MYH8: variants seen among roughly 807,000 people sequenced by gnomAD.
MYH8 encodes the protein myosin-8.
In MYH8, 168 loss-of-function variants were observed where a neutral mutation model predicts 233.2. The observed-to-expected ratio is 0.72, with a 90% CI of 0.64 to 0.82. MYH8 has a LOEUF of 0.82. MYH8 is among the 40% of genes least tolerant of loss of function. MYH8 has a pLI of 0.00. For missense variants in MYH8, 1,995 were observed against 2,327.8 expected, an observed-to-expected ratio of 0.86 and a Z score of 2.94; for synonymous variants, 785 against 850.6, an observed-to-expected ratio of 0.92 and a Z score of 1.34.
rs997091825 is a variant in MYH8, at chr17:10,412,637, A to G, written c.1239T>C (p.Tyr413=). 6.2e-6 allele frequency: 10 copies of G among 1,614,136 alleles called. No homozygotes were observed. Among genetic ancestry groups the G allele is most frequent in the Non-Finnish European group, 7.6e-6 (9 of 1,180,058 alleles). Reference sequence around the variant, plus strand: ...GCTGCACAGTCTGGCCTTTGGTGACATACTCATTGCCAACCTTGACCCTAG... The same window carrying G: ...GCTGCACAGTCTGGCCTTTGGTGACGTACTCATTGCCAACCTTGACCCTAG... ...CYPRVKVGNE[Y]VTKGQTVQQV... is the part of the protein sequence containing the mutation. Residue 413 remains tyrosine (Y), a synonymous_variant, in exon 13 of 40, where the codon TAT becomes TAC. Transcript: ENST00000403437.
chr17:10,410,534 A>T (rs1239534057), intron 15 of MYH8, among the ~76,000 whole-genome samples: 1 of 152,238 alleles, frequency 6.6e-6, no homozygotes, highest in Non-Finnish European at 1.5e-5. Flanking sequence ...TAGAGTTTTC[A>T]GTGCTGTGTT....
In MYH8 at chr17:10,401,226, T is replaced by C. The variant is rs373445605; in HGVS notation, c.3109-35A>G. The C allele has an allele frequency of 6.2e-6, 10 of 1,613,054 alleles. No individual in the cohort carries two copies. In the African/African-American group the frequency reaches 1.3e-4, roughly 22 times the overall value. On this transcript the variant is annotated intron_variant, in intron 24 of 39. Transcript: ENST00000403437. ...AAGTAAATATGGTAAAAATTGAAAG[T>C]ATATATTTTTAAAAAAATCTTTCAA...
In MYH8 at chr17:10,390,443, G is replaced by C. The variant is rs1263595611; in HGVS notation, c.*11C>G. ...TTTCTTCAGCCTCTTGATAGCATCA[G>C]GCAGGTGTGTTTACTCTGCACTGAT... On this transcript the variant is annotated 3_prime_UTR_variant, in exon 40 of 40. Coordinates refer to ENST00000403437, the MANE Select transcript of MYH8 (RefSeq NM_002472.3). The C allele has an allele frequency of 3.7e-6, 6 of 1,612,946 alleles. No individual in the cohort carries two copies. Among genetic ancestry groups the C allele is most frequent in the Non-Finnish European group, 4.2e-6 (5 of 1,180,022 alleles).
intron 19 of MYH8, 77 bp downstream of exon 19, chr17:10,406,613 A>G: frequency 1.4e-6 from 2 of 1,399,308 alleles, no homozygotes; most frequent in East Asian, 2.3e-5. Context: ...CCACCACAAG[A>G]CTATATTATT....
chr17:10,398,872 G>T lies in MYH8; in HGVS notation c.3877C>A (p.Gln1293Lys). 2 of 1,612,588 alleles carry T rather than the reference G, an allele frequency of 1.2e-6. No homozygotes were observed. Among genetic ancestry groups the T allele is most frequent in the Non-Finnish European group, 1.7e-6 (2 of 1,179,870 alleles). The part of the protein sequence containing the change: ...LQTEAGEYSR[Q>K]LDEKDALVSQ... ...ACTAAAGCATCTTTCTCATCTAATT[G>T]TCGAGAATATTCACCTAGGAATAAT... is the stretch of plus-strand genomic sequence containing the variant. Residue 1293 changes from glutamine (Q) to lysine (K), a missense_variant, in exon 29 of 40, where the codon CAA becomes AAA. Physicochemically the swap from Gln to Lys is moderately conservative, Grantham distance 53. Coordinates refer to ENST00000403437, the MANE Select transcript of MYH8 (RefSeq NM_002472.3).
chr17:10,414,070 A>G (rs1358543063), intron 11 of MYH8, 30 bp from the exon 12 acceptor site: 1 of 1,614,018 alleles, frequency 6.2e-7, no homozygotes, highest in South Asian at 1.1e-5. Context: ...GACAAAAGTT[A>G]GGGCTGAAGA....
At chr17:10,406,563 C>A in intron 19 of MYH8, 127 bp downstream of exon 19, 2 of 1,341,286 alleles carry the variant, frequency 1.5e-6, no homozygotes, top group Non-Finnish European at 2.1e-6. Flanking sequence ...CTGTTGCATG[C>A]CTGCTTCCTG....
intron 21 of MYH8, 143 bp from the exon 22 acceptor site, chr17:10,404,728 C>T (rs940304239): frequency 4.2e-6 from 1 of 236,410 alleles, no homozygotes; most frequent in East Asian, 1.4e-4. Context: ...GCAGGCTTTA[C>T]ACACACACAC....
chr17:10,390,721 C>T (rs1385639001), intron 39 of MYH8, 118 bp from the exon 40 acceptor site: 9 of 1,175,384 alleles, frequency 7.7e-6, no homozygotes, highest in South Asian at 3.8e-5. Context: ...TTAGCATATC[C>T]GACTTTAAAT....
Position 10,398,904 on chromosome 17 carries a change from A to T in MYH8, c.3863-18T>A. ...ATATTCACCTAGGAATAATAGACAT[A>T]AGGGAATTTTTTACTGGCATAAAAA... On this transcript the variant is annotated intron_variant, in intron 28 of 39. Coordinates refer to ENST00000403437, the MANE Select transcript of MYH8 (RefSeq NM_002472.3). 6.3e-7 allele frequency: 1 copy of T among 1,598,226 alleles called. No homozygotes were observed.
At chr17:10,393,237 C>T (rs1202264263) in intron 35 of MYH8, 27 bp from the exon 36 acceptor site, 1 of 1,614,076 alleles carries the variant, frequency 6.2e-7, no homozygotes, top group Non-Finnish European at 8.5e-7. Context: ...TGGAAATTTA[C>T]AAAATTTGCA....
rs1183430870 is a variant in MYH8, at chr17:10,392,631, C to CT, written c.5478dup (p.Gly1827ArgfsTer4). ...CGTTTCTGTTCATTTTCAACCTCTCCTTCAAGCTCACGTACCTGCAGCCAA... is the reference window on the plus strand; with the variant it reads ...CGTTTCTGTTCATTTTCAACCTCTCCTTTCAAGCTCACGTACCTGCAGCCAA... On this transcript the variant is annotated frameshift_variant, in exon 38 of 40. Coordinates refer to ENST00000403437, the MANE Select transcript of MYH8 (RefSeq NM_002472.3). LOFTEE classifies it high-confidence loss of function. 1 of 1,614,140 alleles carries CT rather than the reference C, an allele frequency of 6.2e-7. No individual in the cohort carries two copies. The highest frequency in any genetic ancestry group is 2.2e-5 in the East Asian group (1 of 44,884).
At chr17:10,395,669 T>G (rs1314350066) in intron 33 of MYH8, among the ~76,000 whole-genome samples, 2 of 152,232 alleles carry the variant, frequency 1.3e-5, no homozygotes, top group East Asian at 3.9e-4. Context: ...TTGTTCATAT[T>G]AATACTAATA....
At chr17:10,421,187 C>T (rs745428699) in intron 2 of MYH8, among the ~76,000 whole-genome samples, 2 of 152,074 alleles carry the variant, frequency 1.3e-5, no homozygotes, top group Non-Finnish European at 2.9e-5. Flanking sequence ...ATTTAACACC[C>T]GGTGGATGTA....
In MYH8 at chr17:10,415,636, T is replaced by A. The variant is rs1289454511; in HGVS notation, c.539+45A>T. Reference sequence around the variant, plus strand: ...AGAACTATGGCCTGCATTGTCAACATCTAAGACAATCCTTGCAAATCAGAG... The same window carrying A: ...AGAACTATGGCCTGCATTGTCAACAACTAAGACAATCCTTGCAAATCAGAG... On this transcript the variant is annotated intron_variant, in intron 6 of 39. Transcript: ENST00000403437. The surrounding 1 kb of genome is among the most constrained non-coding windows in gnomAD (Gnocchi z 4.1). The A allele has an allele frequency of 5.0e-6, 8 of 1,612,876 alleles. No homozygotes were observed. In the South Asian group the frequency reaches 7.7e-5, roughly 15 times the overall value.
chr17:10,399,469 T>C, intron 28 of MYH8, 74 bp downstream of exon 28: 1 of 1,606,064 alleles, frequency 6.2e-7, no homozygotes, highest in African/African-American at 1.3e-5. Context: ...AGTGGGAATA[T>C]TGCTATTTAT....
At position 10,401,771 on chromosome 17, in the gene MYH8, C is replaced by T. The variant is rs1462869346; in HGVS notation, c.2703G>A (p.Leu901=). 1 of 1,614,130 alleles carries T rather than the reference C, an allele frequency of 6.2e-7. No homozygotes were observed. Among genetic ancestry groups the T allele is most frequent in the East Asian group, 2.2e-5 (1 of 44,870 alleles). ...QLQVQSEADS[L]ADAEERCEQL... ...GCTCACACCTTTCCTCTGCATCAGC[C>T]AAGCTATCTGCTTCCTATGGAGAGA... is the stretch of plus-strand genomic sequence containing the variant. The change falls in exon 23 of 40, where the codon TTG becomes TTA. Residue 901 remains leucine (L), a synonymous_variant. Transcript: ENST00000403437.
Position 10,412,697 on chromosome 17 carries a change from C to A in MYH8, c.1179G>T (p.Leu393=). ...GGGCTTTGAGTAGGTCTGCAGAGTT[C>A]AGACTCTGGAGATAGGCTGCCTTGT... is the stretch of plus-strand genomic sequence containing the variant. ...VADKAAYLQS[L]NSADLLKALC... is the part of the protein sequence containing the mutation. Residue 393 remains leucine (L), a synonymous_variant, in exon 13 of 40, where the codon CTG becomes CTT. Transcript: ENST00000403437. The A allele has an allele frequency of 6.2e-7, 1 of 1,614,212 alleles. No individual in the cohort carries two copies. Among genetic ancestry groups the A allele is most frequent in the Non-Finnish European group, 8.5e-7 (1 of 1,180,032 alleles).
chr17:10,398,471 T>C lies in MYH8; in HGVS notation c.4151A>G (p.Gln1384Arg), dbSNP rs556963319. The change falls in exon 30 of 40, where the codon CAG (glutamine) becomes CGG (arginine). Residue 1384 changes from glutamine to arginine, a missense_variant. By Grantham distance (43) the Gln-to-Arg change is conservative (BLOSUM62 1). This residue lies in a region of MYH8 where 1,498 missense variants were observed against 1,680.9 expected (regional missense o/e 0.89). Coordinates refer to ENST00000403437, the MANE Select transcript of MYH8 (RefSeq NM_002472.3). ...WRTKYETDAI[Q>R]RTEELEEAKK... ...GGCCTCCTCCAGCTCCTCTGTGCGC[T>C]GGATGGCATCCGTCTCGTATTTGGT... 2.5e-6 allele frequency: 4 copies of C among 1,613,926 alleles called. No individual in the cohort carries two copies. Among genetic ancestry groups the C allele is most frequent in the Admixed American group, 1.7e-5 (1 of 59,996 alleles).
Sources: allele counts gnomAD v4.1 joint callset (sites outside exome capture counted in the v4.1 genomes callset), GRCh38; gene constraint gnomAD v4.1.1; regional missense constraint gnomAD v4.1.1; non-coding constraint Gnocchi (gnomAD v3.1); transcripts MANE v1.5; gene names NCBI Gene and HGNC (gene_info 2026-07-23, HGNC 2026-07-21).